The following TNRC6A variants were observed in gnomAD, a reference collection of about 807,000 sequenced individuals.
TNRC6A encodes the protein trinucleotide repeat containing adaptor 6A.
Under a neutral mutation model 221.2 loss-of-function variants are expected in TNRC6A, and 44 were observed. The ratio of observed to expected loss-of-function variants is 0.20; its 90% CI spans 0.16 to 0.26. The LOEUF is 0.26. TNRC6A is among the 10% of genes least tolerant of loss of function. The probability of loss-of-function intolerance (pLI) is 1.00; values close to 1 mark genes in which losing one functional copy is unlikely to be tolerated. For missense variants in TNRC6A, 2,199 were observed against 2,404.4 expected (o/e 0.91, Z 1.79); for synonymous variants, 847 against 838.5 (o/e 1.01, Z -0.18).
chr16:24,713,598 G>A (rs1477104734), intron 2 of TNRC6A, among the ~76,000 whole-genome samples: 1 of 151,776 alleles, frequency 6.6e-6, no homozygotes, highest in African/African-American at 2.4e-5. Context: ...CTTGTCTCTG[G>A]CTACTTTTAA....
intron 4 of TNRC6A, among the ~76,000 whole-genome samples, chr16:24,774,266 A>G (rs907619738): frequency 7.9e-5 from 12 of 152,178 alleles, no homozygotes; most frequent in African/African-American, 2.4e-4. Flanking sequence ...CATTACTTCT[A>G]TGTCTTATTT....
chr16:24,651,954 TA>T (rs1015915810), intron 2 of TNRC6A, among the ~76,000 whole-genome samples: 2 of 151,050 alleles, frequency 1.3e-5, no homozygotes, highest in South Asian at 2.1e-4. Flanking sequence ...AAAAATTAAT[TA>T]AAAAAACTTT....
intron 2 of TNRC6A, among the ~76,000 whole-genome samples, chr16:24,660,812 G>A (rs2055017385): frequency 7.0e-6 from 1 of 143,560 alleles, no homozygotes; most frequent in South Asian, 2.2e-4. Flanking sequence ...AGCGATCTCG[G>A]CTCACTGCAA....
intron 22 of TNRC6A, among the ~76,000 whole-genome samples, chr16:24,820,947 TAC>T (rs1392092330): frequency 6.6e-6 from 1 of 152,162 alleles, no homozygotes. Context: ...CCCCAGTAAA[TAC>T]AGTCTTATCC....
Position 24,804,789 on chromosome 16 carries a change from C to G in TNRC6A, c.3922C>G (p.Pro1308Ala). Residue 1308 changes from proline to alanine, a missense_variant, in exon 13 of 25, where the codon CCT becomes GCT. Pro to Ala is a conservative substitution (Grantham distance 27, BLOSUM62 -1). Coordinates refer to ENST00000395799, the MANE Select transcript of TNRC6A (RefSeq NM_014494.4). ...GCTTCCCCCTTCAAATAGTGCACTACCTAACCAGGCCCTTGGCTCCATAGC... is the reference window on the plus strand; with the variant it reads ...GCTTCCCCCTTCAAATAGTGCACTAGCTAACCAGGCCCTTGGCTCCATAGC... ...MKLPPSNSALPNQALGSIAGL... is the reference protein window; with the variant it reads ...MKLPPSNSALANQALGSIAGL... The G allele has an allele frequency of 6.2e-7, 1 of 1,611,512 alleles. No homozygotes were observed. Among genetic ancestry groups the G allele is most frequent in the East Asian group, 2.2e-5 (1 of 44,874 alleles).
intron 2 of TNRC6A, among the ~76,000 whole-genome samples, chr16:24,665,990 A>G (rs2055150672): frequency 6.6e-6 from 1 of 152,192 alleles, no homozygotes. Flanking sequence ...ACATGCCAGC[A>G]TAAATGGGAA....
chr16:24,694,653 CAAAAAAAA>C (rs145287258), intron 2 of TNRC6A, among the ~76,000 whole-genome samples: 6 of 54,824 alleles, frequency 1.1e-4, no homozygotes, highest in Admixed American at 2.8e-4. Context: ...GACTCTGTCT[CAAAAAAAA>C]AAAAAAAAAA....
chr16:24,655,426 T>C (rs2054889621), intron 2 of TNRC6A, among the ~76,000 whole-genome samples: 1 of 151,772 alleles, frequency 6.6e-6, no homozygotes, highest in South Asian at 2.1e-4. Flanking sequence ...TGGTGGCTCA[T>C]GCCTGTAATC....
intron 2 of TNRC6A, among the ~76,000 whole-genome samples, chr16:24,746,058 C>T (rs74016418): frequency 0.024 from 3,625 of 152,174 alleles, 133 homozygotes; most frequent in African/African-American, 0.081. Flanking sequence ...CCACACCTTT[C>T]TGTGCTCCTA....
intron 2 of TNRC6A, among the ~76,000 whole-genome samples, chr16:24,733,794 C>G (rs982660114): frequency 6.6e-6 from 1 of 152,164 alleles, no homozygotes; most frequent in African/African-American, 2.4e-5. Flanking sequence ...ATCTTCTGGT[C>G]TGGGATTACT....
chr16:24,732,554 C>T (rs1459787731), intron 2 of TNRC6A, among the ~76,000 whole-genome samples: 2 of 152,162 alleles, frequency 1.3e-5, no homozygotes, highest in South Asian at 2.1e-4. Context: ...GGTTAAGTAA[C>T]TTGGAGGAGA....
chr16:24,683,987 G>A (rs111308545), intron 2 of TNRC6A, among the ~76,000 whole-genome samples: 220 of 152,332 alleles, frequency 1.4e-3, no homozygotes, highest in African/African-American at 4.9e-3. Flanking sequence ...TAACAGAGTA[G>A]TAGTAAATAG....
At chr16:24,747,631 G>A (rs777799151) in intron 2 of TNRC6A, among the ~76,000 whole-genome samples, 4 of 150,490 alleles carry the variant, frequency 2.7e-5, no homozygotes, top group Non-Finnish European at 5.9e-5. Flanking sequence ...GGGCACAGGT[G>A]TTGTTGTTGT....
At chr16:24,799,758 TC>T (rs1406160001) in intron 11 of TNRC6A, among the ~76,000 whole-genome samples, 6 of 152,236 alleles carry the variant, frequency 3.9e-5, no homozygotes, top group Admixed American at 6.5e-5. Context: ...TGTACTTAAC[TC>T]ACTTTCAGGT....
chr16:24,708,983 A>T (rs1199712415), intron 2 of TNRC6A, among the ~76,000 whole-genome samples: 1 of 152,098 alleles, frequency 6.6e-6, no homozygotes, highest in Non-Finnish European at 1.5e-5. Flanking sequence ...TCAGCCAAGC[A>T]CAGTGGCTCA....
chr16:24,739,907 A>G (rs1262073314), intron 2 of TNRC6A, among the ~76,000 whole-genome samples: 1 of 152,178 alleles, frequency 6.6e-6, no homozygotes, highest in Non-Finnish European at 1.5e-5. Flanking sequence ...ATTTACTTGT[A>G]TTCTAATAAT....
chr16:24,804,741 T>G lies in TNRC6A; in HGVS notation c.3874T>G (p.Phe1292Val). Residue 1292 changes from phenylalanine to valine, a missense_variant, in exon 13 of 25, where the codon TTT (phenylalanine) becomes GTT (valine). Around this residue, in one of 8 missense-constraint regions of TNRC6A, gnomAD observed 158 missense variants for 159.1 expected, o/e 0.99. Transcript: ENST00000395799. ...IVADESQNMQ[F>V]MSSQSMKLPP... is the part of the protein sequence containing the mutation. ...AGCAGATGAATCCCAAAACATGCAGTTTATGTCCAGTCAAAGCATGAAGCT... is the reference window on the plus strand; with the variant it reads ...AGCAGATGAATCCCAAAACATGCAGGTTATGTCCAGTCAAAGCATGAAGCT... 6.2e-7 allele frequency: 1 copy of G among 1,606,606 alleles called. No homozygotes were observed. The highest frequency in any genetic ancestry group is 8.5e-7 in the Non-Finnish European group (1 of 1,178,418).
At chr16:24,644,816 C>T (rs1902189936) in intron 2 of TNRC6A, among the ~76,000 whole-genome samples, 1 of 152,172 alleles carries the variant, frequency 6.6e-6, no homozygotes, top group African/African-American at 2.4e-5. Context: ...CTAGTTGCCA[C>T]ACTTTTAAAA....
intron 1 of TNRC6A, among the ~76,000 whole-genome samples, chr16:24,613,850 A>C (rs920990244): frequency 6.6e-5 from 10 of 152,154 alleles, no homozygotes; most frequent in African/African-American, 2.4e-4. Context: ...AAAGCATTTT[A>C]AGTAGGGAAG....
Sources: allele counts gnomAD v4.1 joint callset (sites outside exome capture counted in the v4.1 genomes callset), GRCh38; gene constraint gnomAD v4.1.1; regional missense constraint gnomAD v4.1.1; transcripts MANE v1.5; gene names NCBI Gene and HGNC (gene_info 2026-07-23, HGNC 2026-07-21).